MARCO: variants seen among roughly 807,000 people sequenced by gnomAD.
MARCO encodes the protein macrophage receptor MARCO.
Under a neutral mutation model 70.0 loss-of-function variants are expected in MARCO, and 72 were observed. The observed-to-expected ratio is 1.03, with a 90% confidence interval of 0.85 to 1.25. The LOEUF (loss-of-function observed/expected upper bound fraction) is 1.25, where lower values mean the gene tolerates loss of function less well. MARCO is among the 50% of genes most tolerant of loss of function. MARCO has a pLI of 0.00. For missense variants in MARCO, 696 were observed against 659.3 expected (o/e 1.06, Z -0.61); for synonymous variants, 273 against 243.1 (o/e 1.12, Z -1.14).
chr2:118,986,615 AAG>A (rs1382481924), intron 12 of MARCO, among the ~76,000 whole-genome samples: 1 of 23,118 alleles, frequency 4.3e-5, no homozygotes, highest in African/African-American at 2.9e-4. Context: ...GAAAGAAAGA[AAG>A]AAAGAAAGAA....
At chr2:118,984,706 G>A (rs1423862558) in intron 12 of MARCO, among the ~76,000 whole-genome samples, 1 of 152,218 alleles carries the variant, frequency 6.6e-6, no homozygotes, top group Non-Finnish European at 1.5e-5. Context: ...CTTCCGGAGA[G>A]ATTAGATTTG....
At chr2:118,951,905 C>A (rs1170636504) in intron 1 of MARCO, among the ~76,000 whole-genome samples, 4 of 151,944 alleles carry the variant, frequency 2.6e-5, no homozygotes, top group African/African-American at 4.8e-5. Context: ...CTTCCTCTTT[C>A]TCTTTGACTC....
intron 10 of MARCO, 125 bp from the exon 11 acceptor site, chr2:118,982,031 T>A (rs1680401908): frequency 1.6e-6 from 1 of 641,896 alleles, no homozygotes; most frequent in Non-Finnish European, 2.7e-6. Flanking sequence ...GTGTTAAAGC[T>A]GCCAAGAGGA....
intron 12 of MARCO, among the ~76,000 whole-genome samples, chr2:118,987,766 T>G (rs149156871): frequency 3.6e-4 from 55 of 152,336 alleles, no homozygotes; most frequent in Non-Finnish European, 6.3e-4. Context: ...AATCAGTGAC[T>G]CCGGTGGGAC....
chr2:118,993,140 C>T lies in MARCO; in HGVS notation c.1269C>T (p.Ser423=), dbSNP rs770184847. The change falls in exon 16 of 17, where the codon TCC becomes TCT. Residue 423 remains serine (S), a synonymous_variant. Coordinates refer to ENST00000327097, the MANE Select transcript of MARCO (RefSeq NM_006770.4). The part of the protein sequence containing the change: ...EKGERGENSV[S]VRIVGSSNRG... The stretch of plus-strand genomic sequence containing the variant: ...TTCACCCAGGTGAAAACTCAGTGTC[C>T]GTCAGGATTGTCGGCAGTAGTAACC... 73 of 1,614,074 alleles carry T rather than the reference C, an allele frequency of 4.5e-5. No individual in the cohort carries two copies. The highest frequency in any genetic ancestry group is 5.7e-5 in the Non-Finnish European group (67 of 1,180,038).
At chr2:118,949,759 C>T (rs1205541064) in intron 1 of MARCO, 1 of 152,054 alleles carries the variant, frequency 6.6e-6, no homozygotes, top group African/African-American at 2.4e-5. Flanking sequence ...TGTGTCCATC[C>T]CTTTCCGCTG....
intron 15 of MARCO, 124 bp downstream of exon 15, chr2:118,992,600 G>A (rs1352359158): frequency 3.7e-6 from 3 of 817,274 alleles, no homozygotes; most frequent in South Asian, 1.6e-5. Context: ...GAGGAGTTGA[G>A]GGTCTAGTCC....
At chr2:118,943,241 G>C (rs924472114) in intron 1 of MARCO, among the ~76,000 whole-genome samples, 1 of 152,162 alleles carries the variant, frequency 6.6e-6, no homozygotes, top group African/African-American at 2.4e-5. Context: ...AATTTTCAGC[G>C]CACAAAGATG....
intron 1 of MARCO, among the ~76,000 whole-genome samples, chr2:118,958,761 A>G (rs1488031011): frequency 1.3e-5 from 2 of 152,228 alleles, no homozygotes; most frequent in African/African-American, 2.4e-5. Flanking sequence ...AAACTATACT[A>G]TAAGGCCACA....
intron 1 of MARCO, among the ~76,000 whole-genome samples, chr2:118,962,051 G>A (rs72836144): frequency 0.12 from 18,960 of 152,144 alleles, 1,332 homozygotes; most frequent in South Asian, 0.27. Context: ...TTATTGCTGA[G>A]TTGTCTATTC....
chr2:118,945,475 C>A (rs1282093731), intron 1 of MARCO, among the ~76,000 whole-genome samples: 1 of 148,230 alleles, frequency 6.7e-6, no homozygotes, highest in Non-Finnish European at 1.5e-5. Flanking sequence ...TGCAGGGGAG[C>A]GATCTCGGCT....
chr2:118,975,730 A>G (rs949544869), intron 6 of MARCO, among the ~76,000 whole-genome samples: 1 of 152,148 alleles, frequency 6.6e-6, no homozygotes, highest in African/African-American at 2.4e-5. Flanking sequence ...TCATGCACAC[A>G]CATGCACTCA....
At chr2:118,994,225 A>G (rs1158863036) in intron 16 of MARCO, among the ~76,000 whole-genome samples, 162 bp from the exon 17 acceptor site, 1 of 151,448 alleles carries the variant, frequency 6.6e-6, no homozygotes, top group Non-Finnish European at 1.5e-5. Flanking sequence ...AACAACAAAA[A>G]CAGGCTAAGC....
chr2:118,993,659 G>A (rs1280379671), intron 16 of MARCO, among the ~76,000 whole-genome samples: 1 of 152,190 alleles, frequency 6.6e-6, no homozygotes, highest in African/African-American at 2.4e-5. Flanking sequence ...ATTCAGGGCA[G>A]GCAAACGCAG....
chr2:118,947,102 A>C (rs1248886638), intron 1 of MARCO, among the ~76,000 whole-genome samples: 1 of 152,118 alleles, frequency 6.6e-6, no homozygotes, highest in Non-Finnish European at 1.5e-5. Context: ...ATTTTCTCCG[A>C]GTCTGTAACT....
In MARCO at chr2:118,986,664, GGAAGGAAGGAAAGAAAGAAA is replaced by G. The variant is rs1349487467; in HGVS notation, c.1064-3921_1064-3902del. On this transcript the variant is annotated intron_variant, in intron 12 of 16. Transcript: ENST00000327097. ...AAGAAAGAAAGAAAGAAGGAAGGAAGGAAGGAAGGAAAGAAAGAAAGAAAGAAAGAAAGAAAGAAAGAAAG... is the reference window on the plus strand; with the variant it reads ...AAGAAAGAAAGAAAGAAGGAAGGAAGGAAAGAAAGAAAGAAAGAAAGAAAG... Among the ~76,000 whole-genome samples the G allele has an allele frequency of 1.8e-3, 63 of 35,366 alleles. 6 individuals are homozygous for G. Among genetic ancestry groups the G allele is most frequent in the African/African-American group, 2.2e-3 (9 of 4,164 alleles). 23.2% of individuals were successfully genotyped at this position (35,366 alleles called of 152,430 possible).
chr2:118,990,477 A>G, intron 12 of MARCO, 112 bp from the exon 13 acceptor site: 2 of 1,007,638 alleles, frequency 2.0e-6, no homozygotes, highest in Admixed American at 2.0e-5. Context: ...GAACCAATGT[A>G]TCTTTCCATC....
intron 1 of MARCO, among the ~76,000 whole-genome samples, chr2:118,954,037 A>G (rs946737604): frequency 2.6e-5 from 4 of 152,170 alleles, no homozygotes; most frequent in Non-Finnish European, 4.4e-5. Context: ...TGAACTTTGT[A>G]ACAATTTGAA....
At chr2:118,992,295 A>G (rs1680637720) in intron 14 of MARCO, 137 bp from the exon 15 acceptor site, 2 of 671,542 alleles carry the variant, frequency 3.0e-6, no homozygotes, top group Admixed American at 5.2e-5. Flanking sequence ...CCATCCCCAT[A>G]ATGCCAGGCC....
Sources: allele counts gnomAD v4.1 joint callset (sites outside exome capture counted in the v4.1 genomes callset), GRCh38; gene constraint gnomAD v4.1.1; transcripts MANE v1.5; gene names NCBI Gene and HGNC (gene_info 2026-07-23, HGNC 2026-07-21).